The following NBPF14 variants were observed in gnomAD, a reference collection of about 807,000 sequenced individuals.
The protein encoded by NBPF14 is NBPF member 14.
In NBPF14, 104 loss-of-function variants were observed where a neutral mutation model predicts 91.2. That is an observed-to-expected ratio of 1.14 (90% CI 0.97 to 1.34). The LOEUF is 1.34. NBPF14 is among the 40% of genes most tolerant of loss of function. The pLI, the probability that NBPF14 is intolerant of heterozygous loss-of-function variation, is 0.00. For missense variants in NBPF14, 908 were observed against 783.0 expected (o/e 1.16, Z -1.91); for synonymous variants, 294 against 303.8 (o/e 0.97, Z 0.34).
chr1:148,566,267 G>A (rs1210425929), exon 29 of NBPF14: 1 of 653,842 alleles, frequency 1.5e-6, no homozygotes, highest in Non-Finnish European at 2.7e-6. Context: ...TATCCAGTGA[G>A]TCCTGCAAGA....
At chr1:148,577,605 A>C (rs1288717336) in intron 14 of NBPF14, among the ~76,000 whole-genome samples, 2 of 149,880 alleles carry the variant, frequency 1.3e-5, no homozygotes, top group East Asian at 2.0e-4. Context: ...GAGGTCAGTC[A>C]ATTGGTCAGG....
chr1:148,566,517 A>G (rs1658370248), intron 28 of NBPF14, among the ~76,000 whole-genome samples: 1 of 128,540 alleles, frequency 7.8e-6, no homozygotes. Flanking sequence ...AGACACACAC[A>G]CACACACACA....
At chr1:148,533,882 T>A (rs1235377278) in exon 70 of NBPF14, 3 of 761,918 alleles carry the variant, frequency 3.9e-6, no homozygotes, top group Non-Finnish European at 2.4e-6. Context: ...TGGGTTTTGA[T>A]CTTCTTCCCC....
chr1:148,561,857 G>A (rs1286584707), intron 34 of NBPF14, among the ~76,000 whole-genome samples: 2 of 135,464 alleles, frequency 1.5e-5, no homozygotes, highest in African/African-American at 3.6e-5. Context: ...AACGAGCTCA[G>A]TGAATTGTCC....
chr1:148,534,586 G>C (rs1202777956), intron 69 of NBPF14, 98 bp downstream of exon 69: 7 of 843,912 alleles, frequency 8.3e-6, no homozygotes, highest in Admixed American at 6.9e-5. Flanking sequence ...CTGCGGCAAT[G>C]ACATCTCTCG....
chr1:148,587,473 C>G, intron 7 of NBPF14, 70 bp from the exon 8 acceptor site: 1 of 1,429,960 alleles, frequency 7.0e-7, no homozygotes, highest in Non-Finnish European at 9.7e-7. Flanking sequence ...GCCTACAGGA[C>G]AGGAGCCAGG....
Position 148,587,461 on chromosome 1 carries a change from T to C in NBPF14, c.989-58A>G, listed in dbSNP as rs1362672372. The C allele has an allele frequency of 7.0e-5, 104 of 1,495,952 alleles. 7 individuals are homozygous for C. The highest frequency in any genetic ancestry group is 5.0e-4 in the Middle Eastern group (2 of 4,020). The allele number at this position is 1,495,952 out of a possible 1,614,324, so 92.7% of individuals were successfully genotyped here. ...AAGGCTGGACATGCTGCTGTGGTCATTGCCTACAGGACAGGAGCCAGGTCC... is the reference window on the plus strand; with the variant it reads ...AAGGCTGGACATGCTGCTGTGGTCACTGCCTACAGGACAGGAGCCAGGTCC... On this transcript the variant is annotated intron_variant, in intron 7 of 70. Transcript: ENST00000619423.
chr1:148,535,180 G>T (rs1305794711), intron 68 of NBPF14, among the ~76,000 whole-genome samples: 71 of 150,020 alleles, frequency 4.7e-4, no homozygotes, highest in African/African-American at 1.2e-3. Flanking sequence ...ATGAAAAGAG[G>T]GGGCTCAATA....
chr1:148,584,983 C>G (rs1289642674), intron 10 of NBPF14, among the ~76,000 whole-genome samples, 158 bp downstream of exon 10: 1 of 148,380 alleles, frequency 6.7e-6, no homozygotes. Flanking sequence ...AGAAACATGA[C>G]AGCTACCGCA....
At chr1:148,566,261 C>G in exon 29 of NBPF14, 1 of 641,930 alleles carries the variant, frequency 1.6e-6, no homozygotes, top group Non-Finnish European at 2.8e-6. Flanking sequence ...AACATCTATC[C>G]AGTGAGTCCT....
chr1:148,557,929 G>T (rs1656974668), intron 39 of NBPF14, among the ~76,000 whole-genome samples: 1 of 56,526 alleles, frequency 1.8e-5, no homozygotes. Context: ...ACTGAAATTA[G>T]AATGAAGGAG....
At chr1:148,533,758 A>G in intron 70 of NBPF14, 103 bp downstream of exon 70, 1 of 761,100 alleles carries the variant, frequency 1.3e-6, no homozygotes, top group South Asian at 1.3e-5. Flanking sequence ...GGAGTAATTC[A>G]GCCTTTGTTG....
At position 148,559,732 on chromosome 1, in the gene NBPF14, G is replaced by A. The variant is rs1222482822; in HGVS notation, c.4729+61C>T. Reference sequence around the variant, plus strand: ...GCTCAGTAAGGGCCACTTGCAGTAGGAATATGACCCTAACCAGAAGACTCA... The same window carrying A: ...GCTCAGTAAGGGCCACTTGCAGTAGAAATATGACCCTAACCAGAAGACTCA... On this transcript the variant is annotated intron_variant, in intron 37 of 70. Transcript: ENST00000619423. The A allele has an allele frequency of 6.8e-6, 6 of 886,428 alleles. No homozygotes were observed. In the African/African-American group the frequency reaches 1.5e-4, roughly 22 times the overall value. 54.9% of individuals were successfully genotyped at this position (886,428 alleles called of 1,614,324 possible).
At chr1:148,539,438 C>G in exon 63 of NBPF14, 2 of 312,928 alleles carry the variant, frequency 6.4e-6, no homozygotes. Context: ...AGCCAAGGTA[C>G]TGTTCCTCCA....
chr1:148,562,314 C>G, intron 33 of NBPF14, 27 bp from the exon 34 acceptor site: 3 of 160,058 alleles, frequency 1.9e-5, no homozygotes, highest in Non-Finnish European at 3.2e-5. Context: ...CAGGGACAGA[C>G]AAAATAAGCC....
chr1:148,595,558 G>T lies in NBPF14; in HGVS notation c.160C>A (p.Gln54Lys). The stretch of plus-strand genomic sequence containing the variant: ...TAGATCTTACTGTATTTCTTCTGTT[G>T]GTTGGCCAGGAAGCCGGCCAGTTGA... Residue 54 changes from glutamine (Q) to lysine (K), a missense_variant, in exon 2 of 71, where the codon CAA (glutamine) becomes AAA (lysine). Around this residue, in one of 13 missense-constraint regions of NBPF14, gnomAD observed 22 missense variants for 37.3 expected, o/e 0.59. Coordinates refer to ENST00000619423, the Ensembl canonical transcript of NBPF14. The T allele has an allele frequency of 1.3e-6, 2 of 1,583,598 alleles. 1 individual carries two copies. Among genetic ancestry groups the T allele is most frequent in the Non-Finnish European group, 1.7e-6 (2 of 1,160,138 alleles).
chr1:148,586,878 G>T (rs1228203655), intron 8 of NBPF14, among the ~76,000 whole-genome samples: 11 of 141,410 alleles, frequency 7.8e-5, no homozygotes, highest in Non-Finnish European at 3.1e-5. Flanking sequence ...GAATTGAAAA[G>T]ATGAAAGAAG....
chr1:148,559,522 A>T (rs1657258761), intron 37 of NBPF14, among the ~76,000 whole-genome samples: 2 of 123,078 alleles, frequency 1.6e-5, no homozygotes, highest in Admixed American at 8.0e-5. Flanking sequence ...GAGTTGTGTG[A>T]ATTTGTCACA....
intron 39 of NBPF14, among the ~76,000 whole-genome samples, chr1:148,557,770 A>G (rs1240787891): frequency 1.6e-5 from 2 of 121,446 alleles, no homozygotes; most frequent in Non-Finnish European, 3.2e-5. Flanking sequence ...TCCCAAAATC[A>G]TTTATCCCAA....
Sources: gnomAD v4.1 joint callset for allele counts (sites outside exome capture counted in the v4.1 genomes callset) on GRCh38, gnomAD v4.1.1 for gene constraint, gnomAD v4.1.1 regional missense constraint, MANE v1.5 for transcripts, NCBI Gene and HGNC (gene_info 2026-07-23, HGNC 2026-07-21) for gene names.